The following SEMA3A variants were observed in gnomAD, a reference collection of about 807,000 sequenced individuals.
The protein encoded by SEMA3A is semaphorin 3A, also known as semaphorin-3A.
SEMA3A carries 29 observed loss-of-function variants against 97.9 expected under a neutral mutation model. The ratio of observed to expected loss-of-function variants is 0.30; its 90% confidence interval spans 0.22 to 0.40. The LOEUF (loss-of-function observed/expected upper bound fraction) is 0.40. SEMA3A is among the 10% of genes least tolerant of loss of function. The probability of loss-of-function intolerance (pLI) is 1.00; values close to 1 mark genes in which losing one functional copy is unlikely to be tolerated. For missense variants in SEMA3A, 763 were observed against 951.3 expected (o/e 0.80, Z 2.60); for synonymous variants, 321 against 323.7 (o/e 0.99, Z 0.09).
At chr7:84,352,345 T>C (rs1480311428) in intron 2 of SEMA3A, among the ~76,000 whole-genome samples, 1 of 147,812 alleles carries the variant, frequency 6.8e-6, no homozygotes, top group African/African-American at 2.5e-5. Flanking sequence ...TGGTCAAATA[T>C]AGTTTATGAT....
intron 13 of SEMA3A, among the ~76,000 whole-genome samples, chr7:83,985,135 T>C (rs1019328495): frequency 1.3e-5 from 2 of 152,040 alleles, no homozygotes; most frequent in African/African-American, 4.8e-5. Context: ...AAATTATTAT[T>C]GAGTATTGAG....
intron 1 of SEMA3A, among the ~76,000 whole-genome samples, chr7:84,482,338 G>A (rs966626899): frequency 2.0e-5 from 3 of 151,978 alleles, no homozygotes; most frequent in Non-Finnish European, 2.9e-5. Flanking sequence ...ATTGTATACC[G>A]AATATCTATT....
At chr7:84,020,035 CTTTTTTTTTTTT>C (rs781108685) in intron 6 of SEMA3A, among the ~76,000 whole-genome samples, 1 of 58,258 alleles carries the variant, frequency 1.7e-5, no homozygotes, top group South Asian at 7.2e-4. Flanking sequence ...TTTTTTCTTT[CTTTTTTTTTTTT>C]TTTTTTTTTT....
intron 3 of SEMA3A, among the ~76,000 whole-genome samples, chr7:84,292,027 T>C (rs970921338): frequency 5.9e-5 from 9 of 152,138 alleles, no homozygotes; most frequent in Non-Finnish European, 1.2e-4. Context: ...CTGAAACCCA[T>C]GGAGCAGAAA....
chr7:84,039,453 T>C (rs1792054328), intron 6 of SEMA3A, among the ~76,000 whole-genome samples: 1 of 152,128 alleles, frequency 6.6e-6, no homozygotes, highest in Admixed American at 6.6e-5. Context: ...TATCTGGTCT[T>C]GGGGTTCAAA....
At chr7:84,441,421 A>G (rs1312671405) in intron 1 of SEMA3A, among the ~76,000 whole-genome samples, 1 of 151,910 alleles carries the variant, frequency 6.6e-6, no homozygotes, top group Non-Finnish European at 1.5e-5. Context: ...AAAATACTAG[A>G]GAGATTAAAA....
intron 1 of SEMA3A, among the ~76,000 whole-genome samples, chr7:84,417,296 T>A (rs1286390131): frequency 1.3e-5 from 2 of 152,092 alleles, no homozygotes; most frequent in Non-Finnish European, 2.9e-5. Flanking sequence ...TCCAGAACTG[T>A]TAACTTGATA....
chr7:84,257,607 G>A (rs1040011213), intron 3 of SEMA3A, among the ~76,000 whole-genome samples: 2 of 152,134 alleles, frequency 1.3e-5, no homozygotes, highest in Non-Finnish European at 2.9e-5. Context: ...AATCCCCACA[G>A]AGGATGGCCA....
intron 2 of SEMA3A, among the ~76,000 whole-genome samples, chr7:84,327,985 A>G (rs145707560): frequency 4.2e-4 from 64 of 152,044 alleles, no homozygotes; most frequent in Admixed American, 3.5e-3. Flanking sequence ...AAGATAATTT[A>G]TAGTAGTTCT....
chr7:84,351,530 AT>A (rs374371150), intron 2 of SEMA3A, among the ~76,000 whole-genome samples: 262 of 152,258 alleles, frequency 1.7e-3, no homozygotes, highest in African/African-American at 6.0e-3. Flanking sequence ...GGAAAAAAAA[AT>A]CAAATAATCA....
intron 6 of SEMA3A, among the ~76,000 whole-genome samples, chr7:84,037,288 T>C (rs963240793): frequency 6.6e-6 from 1 of 152,046 alleles, no homozygotes; most frequent in African/African-American, 2.4e-5. Flanking sequence ...ATGGGAAAGC[T>C]CTCTGTGATA....
chr7:84,132,964 C>T (rs55679601), intron 2 of SEMA3A, among the ~76,000 whole-genome samples: 74,286 of 151,822 alleles, frequency 0.49, 19,319 homozygotes, highest in East Asian at 0.7. Flanking sequence ...CATGAGCCAC[C>T]GCACCAGACC....
At chr7:84,290,717 C>T (rs10235148) in intron 3 of SEMA3A, among the ~76,000 whole-genome samples, 3,891 of 152,150 alleles carry the variant, frequency 0.026, 173 homozygotes, top group African/African-American at 0.089. Context: ...GGGTCTATTG[C>T]TACTGTTGTT....
rs566528805 is a variant in SEMA3A, at chr7:84,175,294, T to G, written c.112+19181A>C. On this transcript the variant is annotated intron_variant, in intron 1 of 16. Coordinates refer to ENST00000265362, the MANE Select transcript of SEMA3A (RefSeq NM_006080.3). ...AATTCTGGCCAATAATGAATATCCATTAAATGGGAATTATTAATGTTATTT... is the reference window on the plus strand; with the variant it reads ...AATTCTGGCCAATAATGAATATCCAGTAAATGGGAATTATTAATGTTATTT... 4.6e-5 allele frequency among the ~76,000 whole-genome samples: 7 copies of G among 152,346 alleles called. No individual in the cohort carries two copies. The South Asian group carries it at 1.4e-3, about 32-fold the overall frequency.
intron 1 of SEMA3A, among the ~76,000 whole-genome samples, chr7:84,193,898 T>C (rs1305994079): frequency 6.6e-6 from 1 of 152,150 alleles, no homozygotes; most frequent in East Asian, 1.9e-4. Context: ...ATTAGCCAAA[T>C]ACAGTCTTTT....
At chr7:84,129,516 G>GTGAA (rs1392195477) in intron 2 of SEMA3A, among the ~76,000 whole-genome samples, 7 of 152,144 alleles carry the variant, frequency 4.6e-5, no homozygotes, top group Non-Finnish European at 5.9e-5. Context: ...TGAGAATTTA[G>GTGAA]TGAAGAGAAG....
chr7:84,163,448 T>A, intron 1 of SEMA3A, among the ~76,000 whole-genome samples: 1 of 152,150 alleles, frequency 6.6e-6, no homozygotes, highest in East Asian at 1.9e-4. Flanking sequence ...TAGATCTGCC[T>A]ATAATTTTCA....
intron 1 of SEMA3A, among the ~76,000 whole-genome samples, chr7:84,491,735 A>G (rs1397767001): frequency 6.6e-6 from 1 of 152,128 alleles, no homozygotes; most frequent in Non-Finnish European, 1.5e-5. Flanking sequence ...TGGTGAATCC[A>G]AAGTTGTAAA....
intron 1 of SEMA3A, among the ~76,000 whole-genome samples, chr7:84,459,067 C>G (rs944357841): frequency 1.3e-5 from 2 of 152,044 alleles, no homozygotes; most frequent in African/African-American, 4.8e-5. Flanking sequence ...CCTCCCAGCT[C>G]CTGCTTTTTA....
Sources: gnomAD v4.1 joint callset for allele counts (sites outside exome capture counted in the v4.1 genomes callset) on GRCh38, gnomAD v4.1.1 for gene constraint, MANE v1.5 for transcripts, NCBI Gene and HGNC (gene_info 2026-07-23, HGNC 2026-07-21) for gene names.